Variants in SNX16 observed in about 807,000 individuals in gnomAD.
SNX16 encodes sorting nexin 16.
SNX16 carries 35 observed loss-of-function variants against 36.7 expected under a neutral mutation model. That is an observed-to-expected ratio of 0.95 (90% CI 0.73 to 1.27). SNX16 has a LOEUF of 1.27. Ranked by LOEUF, SNX16 falls within the 50% of genes most tolerant of loss-of-function variation. The probability of loss-of-function intolerance (pLI) is 0.00; values close to 1 mark genes in which losing one functional copy is unlikely to be tolerated. For missense variants in SNX16, 367 were observed against 393.6 expected (o/e 0.93, Z 0.57); for synonymous variants, 134 against 132.0 (o/e 1.02, Z -0.10).
chr8:81,812,262 A>C (rs1810291672), intron 5 of SNX16, among the ~76,000 whole-genome samples: 1 of 152,026 alleles, frequency 6.6e-6, no homozygotes. Flanking sequence ...TATTTGAAGA[A>C]ATAATGGCTA....
chr8:81,827,915 C>A (rs1414201782), intron 3 of SNX16, among the ~76,000 whole-genome samples: 1 of 152,132 alleles, frequency 6.6e-6, no homozygotes, highest in Non-Finnish European at 1.5e-5. Flanking sequence ...TCTTACTTGG[C>A]CTCTCAGAAG....
At chr8:81,832,844 C>T (rs899838892) in intron 2 of SNX16, among the ~76,000 whole-genome samples, 6 of 148,694 alleles carry the variant, frequency 4.0e-5, no homozygotes, top group Admixed American at 1.4e-4. Context: ...TAGGCACATA[C>T]GAGATACTCA....
chr8:81,827,316 A>G (rs1193616596), intron 3 of SNX16, among the ~76,000 whole-genome samples: 1 of 151,952 alleles, frequency 6.6e-6, no homozygotes. Flanking sequence ...AAAATAATGG[A>G]TTTTTTTTCA....
chr8:81,811,724 C>T (rs1239399650), intron 5 of SNX16, among the ~76,000 whole-genome samples: 1 of 152,042 alleles, frequency 6.6e-6, no homozygotes, highest in African/African-American at 2.4e-5. Flanking sequence ...AGAGTTGCTA[C>T]AGTGTATCAC....
chr8:81,840,563 T>C (rs1034402476), intron 1 of SNX16: 9 of 152,516 alleles, frequency 5.9e-5, no homozygotes, highest in African/African-American at 7.2e-5. Flanking sequence ...AGTGAAACTA[T>C]AAAGATTTAC....
In SNX16 at chr8:81,815,517, GTAAC is replaced by G. The variant is rs1810442678; in HGVS notation, c.612-127_612-124del. The G allele has an allele frequency of 3.0e-5, 18 of 591,584 alleles. No individual in the cohort carries two copies. The South Asian group carries it at 4.0e-4, about 13-fold the overall frequency. The allele number at this position is 591,584 out of a possible 1,614,324, so 36.6% of individuals were successfully genotyped here. ...AAGTTGGTTATGTGTTTTCATACAA[GTAAC>G]TAAATATAAATATAAAACTATAGAA... On this transcript the variant is annotated intron_variant, in intron 4 of 7. Coordinates refer to ENST00000345957, the MANE Select transcript of SNX16 (RefSeq NM_152836.3).
chr8:81,799,721 C>T lies in SNX16; in HGVS notation c.*1776G>A, dbSNP rs974158709. 2 of 151,754 alleles carry T rather than the reference C, an allele frequency of 1.3e-5. No homozygotes were observed. Among genetic ancestry groups the T allele is most frequent in the Non-Finnish European group, 2.9e-5 (2 of 67,822 alleles). The allele number at this position is 151,754 out of a possible 1,614,324, so 9.4% of individuals were successfully genotyped here. A position where few individuals can be genotyped will look rare whatever the true frequency, so the allele number is the denominator to read the frequency against. On this transcript the variant is annotated 3_prime_UTR_variant, in exon 8 of 8. Transcript: ENST00000345957. ...GATTTTTTTCTTCATCCTTGAAGAA[C>T]TTTAAATACAATCTTCCAAAAAGCC...
chr8:81,801,601 A>G lies in SNX16; in HGVS notation c.939-8T>C, dbSNP rs1485801733. 7.2e-7 allele frequency: 1 copy of G among 1,386,184 alleles called. No homozygotes were observed. The highest frequency in any genetic ancestry group is 9.7e-7 in the Non-Finnish European group (1 of 1,026,330). 85.9% of individuals were successfully genotyped at this position (1,386,184 alleles called of 1,614,324 possible). A position where few individuals can be genotyped will look rare whatever the true frequency, so the allele number is the denominator to read the frequency against. The stretch of plus-strand genomic sequence containing the variant: ...CATGGTTTATTATCAGCTCTGCAAA[A>G]AAAAAAAAAAAAGGAACATATCAAT... On this transcript the variant is annotated splice_region_variant and splice_polypyrimidine_tract_variant and intron_variant, in intron 7 of 7. Transcript: ENST00000345957.
intron 4 of SNX16, among the ~76,000 whole-genome samples, chr8:81,820,469 T>C (rs1810689704): frequency 2.0e-5 from 3 of 152,108 alleles, no homozygotes; most frequent in Admixed American, 1.3e-4. Flanking sequence ...ATGTATTTCA[T>C]AGAAGGAACA....
chr8:81,823,261 C>G (rs1810857673), intron 4 of SNX16, among the ~76,000 whole-genome samples: 1 of 151,552 alleles, frequency 6.6e-6, no homozygotes, highest in South Asian at 2.1e-4. Context: ...GATATTGAAC[C>G]ACTAAGCAAT....
intron 4 of SNX16, chr8:81,815,679 CTT>C (rs925738759): frequency 8.6e-6 from 2 of 231,680 alleles, no homozygotes; most frequent in Non-Finnish European, 1.7e-5. Flanking sequence ...TGAATAGCCT[CTT>C]TATGATTTTC....
chr8:81,804,331 T>G (rs1262958834), intron 5 of SNX16, among the ~76,000 whole-genome samples: 1 of 151,822 alleles, frequency 6.6e-6, no homozygotes, highest in Non-Finnish European at 1.5e-5. Flanking sequence ...AAAGTAGGAA[T>G]GGAGAGGAAT....
At chr8:81,823,460 A>G (rs1810868429) in intron 4 of SNX16, among the ~76,000 whole-genome samples, 2 of 152,106 alleles carry the variant, frequency 1.3e-5, no homozygotes, top group African/African-American at 4.8e-5. Flanking sequence ...CATATTAACC[A>G]AAATTTTACT....
rs1809593635 is a variant in SNX16, at chr8:81,799,659, TTATAAA to T, written c.*1832_*1837del. 1 of 151,814 alleles carries T rather than the reference TTATAAA, an allele frequency of 6.6e-6. No homozygotes were observed. The highest frequency in any genetic ancestry group is 2.4e-5 in the African/African-American group (1 of 41,400). 9.4% of individuals were successfully genotyped at this position (151,814 alleles called of 1,614,324 possible). A position where few individuals can be genotyped will look rare whatever the true frequency, so the allele number is the denominator to read the frequency against. On this transcript the variant is annotated 3_prime_UTR_variant, in exon 8 of 8. Coordinates refer to ENST00000345957, the MANE Select transcript of SNX16 (RefSeq NM_152836.3). ...CATTATAAAAGTAAAAAAAAGTAAA[TTATAAA>T]TATAAATAATAGTGGTTTACCTAAT...
Position 81,825,786 on chromosome 8 carries a change from AT to A in SNX16, c.463-1847del, listed in dbSNP as rs760291973. On this transcript the variant is annotated intron_variant, in intron 3 of 7. Coordinates refer to ENST00000345957, the MANE Select transcript of SNX16 (RefSeq NM_152836.3). ...ATTATAACATTCTGTCTATATTTCTATAAACGTGAAGATAAAATAAATAAGG... is the reference window on the plus strand; with the variant it reads ...ATTATAACATTCTGTCTATATTTCTAAAACGTGAAGATAAAATAAATAAGG... Among the ~76,000 whole-genome samples, 42 of 152,200 alleles carry A rather than the reference AT, an allele frequency of 2.8e-4. 1 individual carries two copies. Among genetic ancestry groups the A allele is most frequent in the Non-Finnish European group, 3.4e-4 (23 of 68,022 alleles).
intron 1 of SNX16, 44 bp downstream of exon 1, chr8:81,842,078 C>G (rs1049202617): frequency 2.0e-5 from 3 of 151,786 alleles, no homozygotes; most frequent in African/African-American, 4.8e-5. Flanking sequence ...TACGAGAACC[C>G]GGGACAGCGA....
intron 5 of SNX16, among the ~76,000 whole-genome samples, chr8:81,803,926 G>GA (rs1335050491): frequency 5.0e-4 from 75 of 151,080 alleles, no homozygotes; most frequent in Non-Finnish European, 9.3e-4. Flanking sequence ...TGGATTTTGG[G>GA]AAAAACAATG....
rs1030751002 is a variant in SNX16 at position 81,800,743 on chromosome 8, C to A, written c.*754G>T. On this transcript the variant is annotated 3_prime_UTR_variant, in exon 8 of 8. Coordinates refer to ENST00000345957, the MANE Select transcript of SNX16 (RefSeq NM_152836.3). ...TGCCTTAACAAAAGGAGGTAGTATTCTGAAAGAGGCAAACTCACTAAATCT... is the reference window on the plus strand; with the variant it reads ...TGCCTTAACAAAAGGAGGTAGTATTATGAAAGAGGCAAACTCACTAAATCT... 6.6e-6 allele frequency: 1 copy of A among 152,026 alleles called. No homozygotes were observed. Among genetic ancestry groups the A allele is most frequent in the South Asian group, 2.1e-4 (1 of 4,820 alleles). 9.4% of individuals were successfully genotyped at this position (152,026 alleles called of 1,614,324 possible). A position where few individuals can be genotyped will look rare whatever the true frequency, so the allele number is the denominator to read the frequency against.
chr8:81,816,778 G>A (rs1810516370), intron 4 of SNX16, among the ~76,000 whole-genome samples: 1 of 152,154 alleles, frequency 6.6e-6, no homozygotes, highest in African/African-American at 2.4e-5. Context: ...AGAAAGTGCA[G>A]GTGGTAGAGC....
Sources: gnomAD v4.1 joint callset for allele counts (sites outside exome capture counted in the v4.1 genomes callset) on GRCh38, gnomAD v4.1.1 for gene constraint, MANE v1.5 for transcripts, NCBI Gene and HGNC (gene_info 2026-07-23, HGNC 2026-07-21) for gene names.